The following NCOA7 variants were observed in gnomAD, a reference collection of about 807,000 sequenced individuals.
NCOA7 encodes nuclear receptor coactivator 7, also known as 140 kDa estrogen receptor-associated protein.
In NCOA7, 45 loss-of-function variants were observed where a neutral mutation model predicts 104.3. The ratio of observed to expected loss-of-function variants is 0.43; its 90% CI spans 0.34 to 0.55. The LOEUF (loss-of-function observed/expected upper bound fraction) is 0.55, where lower values mean the gene tolerates loss of function less well. NCOA7 is among the 20% of genes least tolerant of loss of function. NCOA7 has a pLI of 0.02. For synonymous variants in NCOA7, 398 were observed against 402.3 expected, an observed-to-expected ratio of 0.99 and a Z score of 0.13; for missense variants, 1,041 against 1,119.7, an observed-to-expected ratio of 0.93 and a Z score of 1.00.
At chr6:125,810,812 A>G (rs1304287233) in intron 1 of NCOA7, among the ~76,000 whole-genome samples, 1 of 152,224 alleles carries the variant, frequency 6.6e-6, no homozygotes. Flanking sequence ...AAATTTCCAG[A>G]AACTTAAACC....
At chr6:125,924,628 C>CA (rs1290295241) in intron 13 of NCOA7, among the ~76,000 whole-genome samples, 7 of 152,178 alleles carry the variant, frequency 4.6e-5, no homozygotes, top group Non-Finnish European at 5.9e-5. Context: ...GTAGAAATAA[C>CA]AAAAACAACA....
intron 10 of NCOA7, among the ~76,000 whole-genome samples, chr6:125,898,208 G>A (rs948625221): frequency 1.3e-5 from 2 of 152,132 alleles, no homozygotes; most frequent in South Asian, 2.1e-4. Context: ...TTTTCATGAT[G>A]TGCCATCCAT....
In NCOA7 at chr6:125,800,614, G is replaced by C. The variant is rs189883138; in HGVS notation, c.-65+9547G>C. Among the ~76,000 whole-genome samples, 34 of 152,338 alleles carry C rather than the reference G, an allele frequency of 2.2e-4. No homozygotes were observed. The East Asian group carries it at 5.6e-3, about 25-fold the overall frequency. ...CTGTGTCCAGCCTAAACAAAGAGTT[G>C]TGATGTGTGTTAGTGTACATAACTC... On this transcript the variant is annotated intron_variant, in intron 1 of 15. Coordinates refer to ENST00000392477, the MANE Select transcript of NCOA7 (RefSeq NM_181782.5).
At chr6:125,928,063 G>A (rs910243559) in intron 14 of NCOA7, 111 bp from the exon 15 acceptor site, 12 of 1,026,280 alleles carry the variant, frequency 1.2e-5, no homozygotes, top group African/African-American at 4.9e-5. Flanking sequence ...AACTTCCTCC[G>A]TCAATGGGGT....
At chr6:125,922,496 C>T (rs1787669106) in intron 12 of NCOA7, among the ~76,000 whole-genome samples, 186 bp from the exon 13 acceptor site, 1 of 152,152 alleles carries the variant, frequency 6.6e-6, no homozygotes, top group Non-Finnish European at 1.5e-5. Flanking sequence ...AGTATCCTTG[C>T]CAAGGTAAAC....
At position 125,922,768 on chromosome 6, in the gene NCOA7, G is replaced by A. The variant is rs370167704; in HGVS notation, c.2457G>A (p.Thr819=). 8.1e-6 allele frequency: 13 copies of A among 1,613,958 alleles called. No individual in the cohort carries two copies. The highest frequency in any genetic ancestry group is 1.1e-5 in the Non-Finnish European group (13 of 1,180,036). Reference sequence around the variant, plus strand: ...TAGAGCACGGGACCAGCTTAAAGACGCTCTACCGGAAATCGGCATCACTAG... The same window carrying A: ...TAGAGCACGGGACCAGCTTAAAGACACTCTACCGGAAATCGGCATCACTAG... ...STLEHGTSLK[T]LYRKSASLDS... is the part of the protein sequence containing the mutation. Residue 819 remains threonine (T), a synonymous_variant, in exon 13 of 16, where the codon ACG becomes ACA. Transcript: ENST00000392477.
At chr6:125,851,016 G>A (rs1239138424) in intron 2 of NCOA7, among the ~76,000 whole-genome samples, 1 of 152,192 alleles carries the variant, frequency 6.6e-6, no homozygotes, top group African/African-American at 2.4e-5. Flanking sequence ...AGAAAAATAA[G>A]TTAAAATCAG....
rs547258988 is a variant in NCOA7 at position 125,782,561 on chromosome 6, TCTC to T, written c.-142+1193_-142+1195del. Among the ~76,000 whole-genome samples, 751 of 152,348 alleles carry T rather than the reference TCTC, an allele frequency of 4.9e-3. 2 individuals are homozygous for T. Among genetic ancestry groups the T allele is most frequent in the Non-Finnish European group, 8.2e-3 (556 of 68,012 alleles). On this transcript the variant is annotated intron_variant, in intron 1 of 16. Coordinates refer to the NCOA7 transcript ENST00000368357. ...GCATTTAGTTGTCACGTATCTGTAG[TCTC>T]CTTCCTTTACTCTGGAACAGTTTCC...
At chr6:125,814,134 C>G (rs903937520) in intron 1 of NCOA7, among the ~76,000 whole-genome samples, 3 of 152,070 alleles carry the variant, frequency 2.0e-5, no homozygotes, top group Non-Finnish European at 4.4e-5. Context: ...ATTGTGAATA[C>G]ACTTTGCTTT....
At chr6:125,824,170 C>T (rs1001754886) in intron 2 of NCOA7, among the ~76,000 whole-genome samples, 1 of 152,084 alleles carries the variant, frequency 6.6e-6, no homozygotes, top group African/African-American at 2.4e-5. Context: ...TATACTTACC[C>T]ACACTACAGT....
intron 1 of NCOA7, among the ~76,000 whole-genome samples, chr6:125,799,988 G>A (rs1008841276): frequency 6.6e-6 from 1 of 152,156 alleles, no homozygotes; most frequent in Non-Finnish European, 1.5e-5. Flanking sequence ...ATATTTGCCT[G>A]AAGACCTGAT....
Position 125,930,997 on chromosome 6 carries a change from A to T in NCOA7, c.*2226A>T, listed in dbSNP as rs533622181. On this transcript the variant is annotated 3_prime_UTR_variant, in exon 16 of 16. Transcript: ENST00000392477. ...AGCATATCCAGATGCTGTGTTCTCT[A>T]TGTAAAACAGTATTGTCCATTCAGA... 2.0e-5 allele frequency: 3 copies of T among 152,792 alleles called. No homozygotes were observed. The highest frequency in any genetic ancestry group is 1.9e-4 in the East Asian group (1 of 5,190). 9.5% of individuals were successfully genotyped at this position (152,792 alleles called of 1,614,324 possible).
At chr6:125,843,496 A>G (rs1003058525) in intron 2 of NCOA7, among the ~76,000 whole-genome samples, 4 of 152,240 alleles carry the variant, frequency 2.6e-5, no homozygotes, top group African/African-American at 9.6e-5. Context: ...TAAATAAGCT[A>G]CGTGCATAAT....
chr6:125,911,355 A>C (rs1490907660), intron 10 of NCOA7, among the ~76,000 whole-genome samples: 1 of 152,168 alleles, frequency 6.6e-6, no homozygotes, highest in Non-Finnish European at 1.5e-5. Context: ...TTTTCGCAAC[A>C]TGCCTCCCTT....
intron 10 of NCOA7, among the ~76,000 whole-genome samples, chr6:125,909,792 A>G (rs747963924): frequency 6.6e-6 from 1 of 152,170 alleles, no homozygotes; most frequent in Non-Finnish European, 1.5e-5. Context: ...CCTGGGTGAC[A>G]GAGTGAGACC....
intron 8 of NCOA7, among the ~76,000 whole-genome samples, chr6:125,888,497 A>G (rs936846181): frequency 2.6e-5 from 4 of 151,196 alleles, no homozygotes; most frequent in Admixed American, 6.6e-5. Flanking sequence ...AAATTAATGT[A>G]GTTGTTTTCT....
At chr6:125,919,149 G>A (rs931844224) in intron 11 of NCOA7, 29 of 1,240,060 alleles carry the variant, frequency 2.3e-5, no homozygotes, top group South Asian at 3.1e-5. Context: ...GGCAGGAAGT[G>A]TGTTTGCTCT....
Position 125,881,179 on chromosome 6 carries a change from A to G in NCOA7, c.549A>G (p.Ser183=), listed in dbSNP as rs1583451271. The change falls in exon 6 of 16, where the codon TCA becomes TCG. Residue 183 remains serine (S), a synonymous_variant. Coordinates refer to ENST00000392477, the MANE Select transcript of NCOA7 (RefSeq NM_181782.5). The stretch of plus-strand genomic sequence containing the variant: ...GTGCTACTGTCTCTCCTTCATCATC[A>G]GATGCAGAATATGATAAATTGCCTG... ...SPGATVSPSS[S]DAEYDKLPDA... 6.2e-7 allele frequency: 1 copy of G among 1,612,694 alleles called. No individual in the cohort carries two copies. Among genetic ancestry groups the G allele is most frequent in the Non-Finnish European group, 8.5e-7 (1 of 1,178,784 alleles).
intron 4 of NCOA7, among the ~76,000 whole-genome samples, chr6:125,877,611 T>G (rs760587679): frequency 7.2e-5 from 11 of 152,190 alleles, no homozygotes; most frequent in Non-Finnish European, 1.3e-4. Context: ...GAAAGAAAAG[T>G]GTACACCTGG....
Sources: gnomAD v4.1 joint callset for allele counts (sites outside exome capture counted in the v4.1 genomes callset) on GRCh38, gnomAD v4.1.1 for gene constraint, MANE v1.5 for transcripts, NCBI Gene and HGNC (gene_info 2026-07-23, HGNC 2026-07-21) for gene names.